The following FARS2 variants were observed in gnomAD, a reference collection of about 807,000 sequenced individuals.
The protein encoded by FARS2 is phenylalanine--tRNA ligase, mitochondrial.
A neutral mutation model predicts 46.4 loss-of-function variants in FARS2; 40 were observed. The observed-to-expected ratio is 0.86, with a 90% CI of 0.67 to 1.12. The LOEUF (loss-of-function observed/expected upper bound fraction) is 1.12, where lower values mean the gene tolerates loss of function less well. Among genes scored for constraint, FARS2 ranks in the 50% most tolerant of loss-of-function variants. The pLI is 0.00. For missense variants in FARS2, 513 were observed against 567.9 expected, an observed-to-expected ratio of 0.90 and a Z score of 0.98; for synonymous variants, 234 against 214.9, an observed-to-expected ratio of 1.09 and a Z score of -0.78.
intron 6 of FARS2, among the ~76,000 whole-genome samples, chr6:5,728,683 C>T (rs985258101): frequency 6.6e-6 from 1 of 152,188 alleles, no homozygotes; most frequent in African/African-American, 2.4e-5. Context: ...GGAAGTCTAG[C>T]TGGAGGAAAG....
At chr6:5,379,290 C>T (rs1184047893) in intron 2 of FARS2, among the ~76,000 whole-genome samples, 1 of 152,192 alleles carries the variant, frequency 6.6e-6, no homozygotes, top group Non-Finnish European at 1.5e-5. Context: ...GGCAGCTCAC[C>T]TATCTGCTTG....
rs372354784 is a variant in FARS2 at position 5,714,470 on chromosome 6, GTCT to G, written c.1218-56814_1218-56812del. On this transcript the variant is annotated intron_variant, in intron 6 of 6. Coordinates refer to ENST00000274680, the MANE Select transcript of FARS2 (RefSeq NM_006567.5). ...AGAGTCCATGAATGTGGCTCAGTTG[GTCT>G]TCTTCTAGCTCTTGCTGCTACTCCT... Among the ~76,000 whole-genome samples, 728 of 152,196 alleles carry G rather than the reference GTCT, an allele frequency of 4.8e-3. 7 individuals carry two copies. Among genetic ancestry groups the G allele is most frequent in the African/African-American group, 0.017 (698 of 41,538 alleles).
intron 1 of FARS2, among the ~76,000 whole-genome samples, chr6:5,317,002 A>T (rs1290876475): frequency 6.6e-6 from 1 of 152,052 alleles, no homozygotes; most frequent in Non-Finnish European, 1.5e-5. Flanking sequence ...CCAGTACCTA[A>T]TCACACTCAC....
intron 5 of FARS2, among the ~76,000 whole-genome samples, chr6:5,584,544 C>T (rs1381427434): frequency 1.3e-5 from 2 of 151,722 alleles, no homozygotes; most frequent in East Asian, 1.9e-4. Flanking sequence ...TTTCTCTCCC[C>T]TCTTCCCTCT....
chr6:5,680,999 A>T (rs1465784076), intron 6 of FARS2, among the ~76,000 whole-genome samples: 1 of 152,264 alleles, frequency 6.6e-6, no homozygotes, highest in Non-Finnish European at 1.5e-5. Context: ...CCGATGAGGA[A>T]GTAGTGACAT....
rs147126007 is a variant in FARS2, at chr6:5,638,293, A to G, written c.1217+24973A>G. Reference sequence around the variant, plus strand: ...CTTAAAACCATCCCGGGCCGGGCGCAGTGGCTCACGCCTGTCATCCCAGCA... The same window carrying G: ...CTTAAAACCATCCCGGGCCGGGCGCGGTGGCTCACGCCTGTCATCCCAGCA... On this transcript the variant is annotated intron_variant, in intron 6 of 6. Transcript: ENST00000274680. 9.3e-3 allele frequency among the ~76,000 whole-genome samples: 1,412 copies of G among 152,338 alleles called. 31 individuals carry two copies. Among genetic ancestry groups the G allele is most frequent in the African/African-American group, 0.03 (1,237 of 41,582 alleles).
chr6:5,507,858 T>C (rs914218550), intron 4 of FARS2, among the ~76,000 whole-genome samples: 1 of 152,150 alleles, frequency 6.6e-6, no homozygotes, highest in Non-Finnish European at 1.5e-5. Context: ...TGTTTATAAG[T>C]GTGTAGCCTG....
chr6:5,754,883 A>T (rs1313630226), intron 6 of FARS2, among the ~76,000 whole-genome samples: 1 of 152,202 alleles, frequency 6.6e-6, no homozygotes, highest in Non-Finnish European at 1.5e-5. Context: ...ACAGTTTTTT[A>T]AAAATTAACC....
At chr6:5,267,435 C>G (rs945283473) in intron 1 of FARS2, among the ~76,000 whole-genome samples, 4 of 152,060 alleles carry the variant, frequency 2.6e-5, no homozygotes, top group Non-Finnish European at 5.9e-5. Flanking sequence ...TGTTTTCTCT[C>G]TTCTAGGAGC....
intron 4 of FARS2, among the ~76,000 whole-genome samples, chr6:5,470,372 A>T (rs983999879): frequency 2.0e-5 from 3 of 152,228 alleles, no homozygotes; most frequent in Non-Finnish European, 4.4e-5. Flanking sequence ...GCCATTTTAT[A>T]TGAGGGACTT....
At chr6:5,659,435 A>G (rs531268048) in intron 6 of FARS2, among the ~76,000 whole-genome samples, 2 of 152,336 alleles carry the variant, frequency 1.3e-5, no homozygotes, top group Admixed American at 1.3e-4. Flanking sequence ...CTCACAGTAC[A>G]GCGAAGTGAC....
chr6:5,422,864 T>C (rs1365375759), intron 3 of FARS2, among the ~76,000 whole-genome samples: 1 of 152,162 alleles, frequency 6.6e-6, no homozygotes, highest in Non-Finnish European at 1.5e-5. Context: ...TGAAAAAAAA[T>C]ACCCACTGAG....
At position 5,613,299 on chromosome 6, in the gene FARS2, T is replaced by C. The variant is rs1775290429; in HGVS notation, c.1196T>C (p.Ile399Thr). 3 of 1,613,130 alleles carry C rather than the reference T, an allele frequency of 1.9e-6. No homozygotes were observed. Among genetic ancestry groups the C allele is most frequent in the African/African-American group, 1.3e-5 (1 of 74,906 alleles). Residue 399 changes from isoleucine to threonine, a missense_variant, in exon 6 of 7, where the codon ATA (isoleucine) becomes ACA (threonine). By Grantham distance (89) the Ile-to-Thr change is moderately conservative (BLOSUM62 -1). Coordinates refer to ENST00000274680, the MANE Select transcript of FARS2 (RefSeq NM_006567.5). Reference protein sequence around the residue: ...GGDLVEKVDLIDKFVHPKTHK... With the variant: ...GGDLVEKVDLTDKFVHPKTHK... ...GACCTGGTGGAAAAGGTTGATCTCATAGACAAGTTTGTACATCCAAAGTAA... is the reference window on the plus strand; with the variant it reads ...GACCTGGTGGAAAAGGTTGATCTCACAGACAAGTTTGTACATCCAAAGTAA...
chr6:5,297,654 C>G (rs1767986991), intron 1 of FARS2, among the ~76,000 whole-genome samples: 1 of 108,420 alleles, frequency 9.2e-6, no homozygotes, highest in African/African-American at 3.3e-5. Flanking sequence ...GTCTCACAAG[C>G]AAAAAAATAA....
intron 6 of FARS2, among the ~76,000 whole-genome samples, chr6:5,633,437 A>T (rs1365631631): frequency 6.6e-6 from 1 of 151,470 alleles, no homozygotes; most frequent in African/African-American, 2.4e-5. Context: ...CACCACACCC[A>T]GCTAATTTTT....
chr6:5,558,606 G>A (rs1258697546), intron 5 of FARS2, among the ~76,000 whole-genome samples: 1 of 151,794 alleles, frequency 6.6e-6, no homozygotes, highest in Non-Finnish European at 1.5e-5. Context: ...GCATGATCTC[G>A]GCTCACTGCA....
intron 4 of FARS2, among the ~76,000 whole-genome samples, chr6:5,448,775 T>G (rs1037254063): frequency 2.0e-5 from 3 of 152,226 alleles, no homozygotes; most frequent in African/African-American, 7.2e-5. Flanking sequence ...TCATGCCTAT[T>G]AAGTAGACCT....
intron 2 of FARS2, among the ~76,000 whole-genome samples, chr6:5,403,659 T>C (rs1000716382): frequency 6.6e-6 from 1 of 152,208 alleles, no homozygotes; most frequent in African/African-American, 2.4e-5. Flanking sequence ...TGGTTCTAAT[T>C]ATCAAAACCA....
At chr6:5,263,818 A>G (rs1008653147) in intron 1 of FARS2, among the ~76,000 whole-genome samples, 2 of 152,228 alleles carry the variant, frequency 1.3e-5, no homozygotes, top group Non-Finnish European at 2.9e-5. Context: ...TTCTCTAATC[A>G]TAATAAACAG....
Sources: gnomAD v4.1 joint callset for allele counts (sites outside exome capture counted in the v4.1 genomes callset) on GRCh38, gnomAD v4.1.1 for gene constraint, MANE v1.5 for transcripts, NCBI Gene and HGNC (gene_info 2026-07-23, HGNC 2026-07-21) for gene names.